NWD2: variants seen among roughly 807,000 people sequenced by gnomAD.
NWD2 encodes the protein NACHT and WD repeat domain containing 2, also known as NACHT and WD repeat domain-containing protein 2.
A neutral mutation model predicts 132.7 loss-of-function variants in NWD2; 37 were observed. The observed-to-expected ratio is 0.28, with a 90% confidence interval of 0.21 to 0.37. The LOEUF is 0.37. Ranked by LOEUF, NWD2 falls within the 10% of genes least tolerant of loss-of-function variation. NWD2 has a pLI of 1.00. For synonymous variants in NWD2, 705 were observed against 803.0 expected (o/e 0.88, Z 2.06); for missense variants, 1,592 against 2,122.4 (o/e 0.75, Z 4.91).
chr4:37,354,388 C>A (rs1420114825), intron 2 of NWD2, among the ~76,000 whole-genome samples: 1 of 152,234 alleles, frequency 6.6e-6, no homozygotes, highest in Non-Finnish European at 1.5e-5. Context: ...GGGAGATCCA[C>A]TGCTCTCTTC....
At chr4:37,395,003 G>C (rs1042957251) in intron 3 of NWD2, among the ~76,000 whole-genome samples, 2 of 151,134 alleles carry the variant, frequency 1.3e-5, no homozygotes, top group African/African-American at 4.9e-5. Flanking sequence ...AGTAGAGATG[G>C]GGTTTCACCA....
intron 1 of NWD2, among the ~76,000 whole-genome samples, chr4:37,322,994 CTA>C (rs1172993080): frequency 6.6e-6 from 1 of 152,104 alleles, no homozygotes; most frequent in African/African-American, 2.4e-5. Flanking sequence ...TTAGAGCAAA[CTA>C]TGGTGTATGA....
intron 2 of NWD2, among the ~76,000 whole-genome samples, chr4:37,330,726 T>C (rs984562707): frequency 2.6e-5 from 4 of 152,216 alleles, no homozygotes; most frequent in Non-Finnish European, 5.9e-5. Flanking sequence ...TGGCATTTAG[T>C]GGGGTTTTAG....
At chr4:37,327,459 A>G (rs1331542798) in intron 2 of NWD2, among the ~76,000 whole-genome samples, 1 of 152,068 alleles carries the variant, frequency 6.6e-6, no homozygotes, top group East Asian at 1.9e-4. Context: ...AGCTGAGGAG[A>G]TGTTGGACCA....
At chr4:37,245,805 C>G (rs150454586) in intron 1 of NWD2, among the ~76,000 whole-genome samples, 2 of 152,238 alleles carry the variant, frequency 1.3e-5, no homozygotes, top group East Asian at 1.9e-4. Context: ...CGGTGGGGCG[C>G]GCAGGATGGG....
chr4:37,348,091 A>G (rs892659475), intron 2 of NWD2, among the ~76,000 whole-genome samples: 45 of 152,342 alleles, frequency 3.0e-4, no homozygotes, highest in South Asian at 1.0e-3. Flanking sequence ...TTAAAATCAT[A>G]CAAAAATGGA....
intron 1 of NWD2, among the ~76,000 whole-genome samples, chr4:37,257,865 A>G (rs1461873288): frequency 6.6e-6 from 1 of 152,230 alleles, no homozygotes; most frequent in Non-Finnish European, 1.5e-5. Flanking sequence ...CTACCTACCA[A>G]AAAGGACAAC....
intron 3 of NWD2, among the ~76,000 whole-genome samples, chr4:37,385,771 CCCTAA>C (rs1720550917): frequency 6.6e-6 from 1 of 152,102 alleles, no homozygotes; most frequent in Non-Finnish European, 1.5e-5. Context: ...ATATAAACAT[CCCTAA>C]TAGTATGATA....
At chr4:37,279,490 A>C (rs1342686842) in intron 1 of NWD2, among the ~76,000 whole-genome samples, 1 of 152,236 alleles carries the variant, frequency 6.6e-6, no homozygotes, top group Non-Finnish European at 1.5e-5. Flanking sequence ...AATTACTATA[A>C]CATCTAGAAT....
chr4:37,326,320 T>C (rs1719172086), intron 2 of NWD2, among the ~76,000 whole-genome samples: 1 of 152,188 alleles, frequency 6.6e-6, no homozygotes, highest in South Asian at 2.1e-4. Context: ...AGATGAAAGT[T>C]GCTGAGCACC....
At chr4:37,302,371 C>T (rs1461587565) in intron 1 of NWD2, among the ~76,000 whole-genome samples, 1 of 152,006 alleles carries the variant, frequency 6.6e-6, no homozygotes, top group East Asian at 1.9e-4. Context: ...TTGATGGACT[C>T]TTGAGTTGAT....
rs992096578 is a variant in NWD2 at position 37,439,534 on chromosome 4, T to G, written c.1296+144T>G. ...AGGAGTGAATACTGCAGTGCTTCTT[T>G]TTTGCTGGTATAACAGTTATATTGA... On this transcript the variant is annotated intron_variant, in intron 6 of 6. Transcript: ENST00000309447. The surrounding 1 kb of genome is among the most constrained non-coding windows in gnomAD (Gnocchi z 4.5). The G allele has an allele frequency of 1.8e-6, 1 of 567,974 alleles. No individual in the cohort carries two copies. The highest frequency in any genetic ancestry group is 1.9e-5 in the African/African-American group (1 of 53,274). 35.2% of individuals were successfully genotyped at this position (567,974 alleles called of 1,614,324 possible). A position where few individuals can be genotyped will look rare whatever the true frequency, so the allele number is the denominator to read the frequency against.
intron 3 of NWD2, among the ~76,000 whole-genome samples, chr4:37,395,702 C>G (rs1292926141): frequency 6.6e-6 from 1 of 151,552 alleles, no homozygotes; most frequent in African/African-American, 2.4e-5. Context: ...CTTCCTTCAT[C>G]CCACTCCCAG....
At chr4:37,402,022 A>C (rs1720906992) in intron 3 of NWD2, among the ~76,000 whole-genome samples, 1 of 152,214 alleles carries the variant, frequency 6.6e-6, no homozygotes, top group African/African-American at 2.4e-5. Context: ...ATTAATCATA[A>C]ATTGATTAAC....
chr4:37,298,041 G>A (rs1389606452), intron 1 of NWD2, among the ~76,000 whole-genome samples: 1 of 152,142 alleles, frequency 6.6e-6, no homozygotes, highest in Non-Finnish European at 1.5e-5. Context: ...AGTAAGAGAT[G>A]CTCAGAAAGG....
intron 1 of NWD2, among the ~76,000 whole-genome samples, chr4:37,252,120 A>G (rs572716941): frequency 6.6e-6 from 1 of 152,352 alleles, no homozygotes; most frequent in Non-Finnish European, 1.5e-5. Flanking sequence ...TATGGAAACT[A>G]TTCTGCATGA....
At chr4:37,416,007 C>T (rs920192430) in intron 3 of NWD2, among the ~76,000 whole-genome samples, 13 of 152,196 alleles carry the variant, frequency 8.5e-5, no homozygotes, top group African/African-American at 2.9e-4. Context: ...GTATGGGCAA[C>T]TCAGCTGTTT....
In NWD2 at chr4:37,358,031, G is replaced by T. The variant is rs139151176; in HGVS notation, c.357+1549G>T. On this transcript the variant is annotated intron_variant, in intron 3 of 6. Transcript: ENST00000309447. The stretch of plus-strand genomic sequence containing the variant: ...TGGGATATGGGGAACGTATCATGGG[G>T]CCTTTTCATCTTTTATGATTAAGAG... Among the ~76,000 whole-genome samples, 644 of 152,246 alleles carry T rather than the reference G, an allele frequency of 4.2e-3. 7 individuals are homozygous for T. The highest frequency in any genetic ancestry group is 0.014 in the African/African-American group (590 of 41,554).
chr4:37,421,968 CAGAG>C (rs1476064034), intron 3 of NWD2, among the ~76,000 whole-genome samples: 4 of 152,180 alleles, frequency 2.6e-5, no homozygotes, highest in African/African-American at 9.7e-5. Context: ...CCTCACTAGA[CAGAG>C]AGAGCTCTGG....
Sources: gnomAD v4.1 joint callset for allele counts (sites outside exome capture counted in the v4.1 genomes callset) on GRCh38, gnomAD v4.1.1 for gene constraint, Gnocchi (gnomAD v3.1) non-coding constraint, MANE v1.5 for transcripts, NCBI Gene and HGNC (gene_info 2026-07-23, HGNC 2026-07-21) for gene names.